The following SLC12A8 variants were observed in gnomAD, a reference collection of about 807,000 sequenced individuals.
SLC12A8 encodes the protein cation-chloride cotransporter 9.
Under a neutral mutation model 75.6 loss-of-function variants are expected in SLC12A8, and 69 were observed. The ratio of observed to expected loss-of-function variants is 0.91; its 90% CI spans 0.75 to 1.11. The LOEUF is 1.11. Ranked by LOEUF, SLC12A8 falls within the 50% of genes most tolerant of loss-of-function variation. SLC12A8 has a pLI of 0.00. For missense variants in SLC12A8, 877 were observed against 896.7 expected (o/e 0.98, Z 0.28); for synonymous variants, 365 against 372.8 (o/e 0.98, Z 0.24).
chr3:125,200,595 C>T (rs1935101632), intron 2 of SLC12A8, among the ~76,000 whole-genome samples: 1 of 152,134 alleles, frequency 6.6e-6, no homozygotes, highest in African/African-American at 2.4e-5. Flanking sequence ...TCATTTTATT[C>T]AGTGGATGAA....
chr3:125,207,587 C>T (rs117539499), intron 2 of SLC12A8, among the ~76,000 whole-genome samples: 20 of 152,336 alleles, frequency 1.3e-4, no homozygotes, highest in East Asian at 9.6e-4. Flanking sequence ...CTATTCCCAA[C>T]GCTAAGAGCA....
At chr3:125,150,008 A>G (rs1933881280) in intron 5 of SLC12A8, among the ~76,000 whole-genome samples, 1 of 152,172 alleles carries the variant, frequency 6.6e-6, no homozygotes, top group African/African-American at 2.4e-5. Context: ...TCAGGTCAAG[A>G]ATGCCTTTGA....
intron 2 of SLC12A8, among the ~76,000 whole-genome samples, chr3:125,203,482 T>C (rs932518672): frequency 2.0e-5 from 3 of 152,162 alleles, no homozygotes; most frequent in Non-Finnish European, 4.4e-5. Flanking sequence ...AGGACATATA[T>C]TGGGGAAAGG....
chr3:125,167,418 T>C (rs1191579437), intron 5 of SLC12A8, among the ~76,000 whole-genome samples: 2 of 152,168 alleles, frequency 1.3e-5, no homozygotes, highest in Non-Finnish European at 2.9e-5. Flanking sequence ...AGTGCTGGGA[T>C]TATAGACATT....
intron 5 of SLC12A8, among the ~76,000 whole-genome samples, chr3:125,166,752 C>T (rs777037558): frequency 6.6e-6 from 1 of 152,140 alleles, no homozygotes; most frequent in South Asian, 2.1e-4. Flanking sequence ...GGATAAATTG[C>T]GAAAATATGT....
chr3:125,190,798 G>A (rs137915277), intron 2 of SLC12A8, among the ~76,000 whole-genome samples: 15 of 152,306 alleles, frequency 9.8e-5, no homozygotes, highest in African/African-American at 2.4e-4. Context: ...ATTCACAAAC[G>A]TAGTCCTTTT....
chr3:125,168,953 A>G (rs1323952806), intron 5 of SLC12A8, among the ~76,000 whole-genome samples: 2 of 152,222 alleles, frequency 1.3e-5, no homozygotes, highest in African/African-American at 4.8e-5. Flanking sequence ...GCAGAGGGCC[A>G]TGGCAGGACA....
intron 5 of SLC12A8, among the ~76,000 whole-genome samples, chr3:125,143,891 G>A (rs528808007): frequency 3.9e-5 from 6 of 152,228 alleles, no homozygotes; most frequent in South Asian, 2.1e-4. Flanking sequence ...GGGCAGTCCC[G>A]GGGCTCTTTC....
intron 5 of SLC12A8, among the ~76,000 whole-genome samples, chr3:125,153,374 T>C (rs1933976752): frequency 1.3e-5 from 2 of 152,254 alleles, no homozygotes; most frequent in Non-Finnish European, 2.9e-5. Flanking sequence ...TGTAGCTGCC[T>C]ATCAAACTCT....
intron 3 of SLC12A8, among the ~76,000 whole-genome samples, chr3:125,188,340 G>A (rs1487676437): frequency 6.6e-6 from 1 of 152,174 alleles, no homozygotes; most frequent in Non-Finnish European, 1.5e-5. Context: ...GCAGAACTGT[G>A]AGCTAAATAA....
intron 4 of SLC12A8, among the ~76,000 whole-genome samples, chr3:125,179,747 G>A (rs1355086070): frequency 6.6e-6 from 1 of 152,084 alleles, no homozygotes; most frequent in Non-Finnish European, 1.5e-5. Flanking sequence ...GAAAGACAGA[G>A]AGACTAATGT....
intron 2 of SLC12A8, among the ~76,000 whole-genome samples, chr3:125,196,569 A>G (rs2107799587): frequency 6.6e-6 from 1 of 152,320 alleles, no homozygotes; most frequent in South Asian, 2.1e-4. Context: ...ATGGTTTTTA[A>G]TATATAGAGA....
rs1434305200 is a variant in SLC12A8, at chr3:125,119,719, T to C, written c.825-863A>G. The stretch of plus-strand genomic sequence containing the variant: ...GTACGCCAGGCTGATAGCAATGGTT[T>C]CACTGCAGTAAGCTAAGAACAAATT... On this transcript the variant is annotated intron_variant, in intron 7 of 13. Coordinates refer to ENST00000469902, the MANE Select transcript of SLC12A8 (RefSeq NM_024628.6). 1.1e-5 allele frequency: 4 copies of C among 373,426 alleles called. No individual in the cohort carries two copies. In the Admixed American group the frequency reaches 1.2e-4, roughly 11 times the overall value. The allele number at this position is 373,426 out of a possible 1,614,324, so 23.1% of individuals were successfully genotyped here.
intron 2 of SLC12A8, among the ~76,000 whole-genome samples, chr3:125,193,596 G>A (rs1211081959): frequency 6.6e-6 from 1 of 152,220 alleles, no homozygotes; most frequent in Non-Finnish European, 1.5e-5. Flanking sequence ...AGGCTGAGGG[G>A]CAGGACCACG....
chr3:125,124,314 GTGTT>G (rs895678438), intron 6 of SLC12A8, among the ~76,000 whole-genome samples: 22 of 152,064 alleles, frequency 1.4e-4, no homozygotes, highest in Non-Finnish European at 2.1e-4. Context: ...ACATTTGTTT[GTGTT>G]TGTTTGTTTG....
intron 2 of SLC12A8, among the ~76,000 whole-genome samples, chr3:125,199,747 A>G (rs1935084566): frequency 6.6e-6 from 1 of 151,942 alleles, no homozygotes; most frequent in African/African-American, 2.4e-5. Flanking sequence ...CCTGGTCTCA[A>G]AAAAAAATAA....
At chr3:125,190,585 G>T in intron 2 of SLC12A8, 64 bp from the exon 3 acceptor site, 5 of 1,581,084 alleles carry the variant, frequency 3.2e-6, no homozygotes, top group Non-Finnish European at 4.3e-6. Context: ...TGGCATGAGA[G>T]TGGAACAGGA....
In SLC12A8 at chr3:125,173,452, CAAAAAAAAAAAAAAA is replaced by C. The variant is rs61001520; in HGVS notation, c.622+4276_622+4290del. Among the ~76,000 whole-genome samples, 6 of 79,626 alleles carry C rather than the reference CAAAAAAAAAAAAAAA, an allele frequency of 7.5e-5. No homozygotes were observed. The Admixed American group carries it at 1.0e-3, about 13-fold the overall frequency. The allele number at this position is 79,626 out of a possible 152,430, so 52.2% of individuals were successfully genotyped here. A position where few individuals can be genotyped will look rare whatever the true frequency, so the allele number is the denominator to read the frequency against. On this transcript the variant is annotated intron_variant, in intron 5 of 13. Transcript: ENST00000469902. ...CTGGAACAACTTGATATTCATGAGCCAAAAAAAAAAAAAAAAAAAAAAACCAAAATAACCTGGACA... is the reference window on the plus strand; with the variant it reads ...CTGGAACAACTTGATATTCATGAGCCAAAAAAAACCAAAATAACCTGGACA...
intron 5 of SLC12A8, among the ~76,000 whole-genome samples, chr3:125,136,154 G>A (rs998682062): frequency 3.9e-5 from 6 of 151,934 alleles, no homozygotes; most frequent in Admixed American, 2.0e-4. Context: ...AGTTACTTCC[G>A]TACTCGAAAA....
Sources: allele counts gnomAD v4.1 joint callset (sites outside exome capture counted in the v4.1 genomes callset), GRCh38; gene constraint gnomAD v4.1.1; transcripts MANE v1.5; gene names NCBI Gene and HGNC (gene_info 2026-07-23, HGNC 2026-07-21).